Variants in AOPEP observed in about 807,000 individuals in gnomAD.
The protein encoded by AOPEP is aminopeptidase O.
AOPEP carries 77 observed loss-of-function variants against 98.1 expected under a neutral mutation model. The ratio of observed to expected loss-of-function variants is 0.78; its 90% confidence interval spans 0.65 to 0.95. The LOEUF (loss-of-function observed/expected upper bound fraction) is 0.95. AOPEP is among the 40% of genes least tolerant of loss of function. The pLI is 0.00. For synonymous variants in AOPEP, 346 were observed against 365.3 expected (o/e 0.95, Z 0.60); for missense variants, 1,024 against 1,024.7 (o/e 1.00, Z 0.01).
chr9:94,927,754 G>C (rs966664983), intron 6 of AOPEP, among the ~76,000 whole-genome samples: 1 of 152,206 alleles, frequency 6.6e-6, no homozygotes, highest in South Asian at 2.1e-4. Context: ...TCTGTTGAAC[G>C]AATTATCAGG....
At chr9:94,991,681 T>C (rs1037106619) in intron 11 of AOPEP, among the ~76,000 whole-genome samples, 3 of 152,236 alleles carry the variant, frequency 2.0e-5, no homozygotes, top group African/African-American at 7.2e-5. Flanking sequence ...AAGCTGTTTG[T>C]TCCTATTCTT....
At chr9:94,909,299 T>A in intron 5 of AOPEP, among the ~76,000 whole-genome samples, 1 of 150,062 alleles carries the variant, frequency 6.7e-6, no homozygotes, top group East Asian at 1.9e-4. Flanking sequence ...TCCGCCAGGC[T>A]TTTTTCACAC....
At chr9:94,914,845 T>G (rs2136544480) in intron 5 of AOPEP, among the ~76,000 whole-genome samples, 1 of 152,172 alleles carries the variant, frequency 6.6e-6, no homozygotes, top group Non-Finnish European at 1.5e-5. Flanking sequence ...TGAAACAAAC[T>G]CTCTTGGGGT....
chr9:94,810,375 C>T (rs1035030469), intron 5 of AOPEP, among the ~76,000 whole-genome samples: 1 of 150,166 alleles, frequency 6.7e-6, no homozygotes, highest in Admixed American at 6.6e-5. Context: ...AGTGCAGTGG[C>T]GCAATCTCGG....
At chr9:94,928,173 G>T (rs1161006861) in intron 6 of AOPEP, among the ~76,000 whole-genome samples, 2 of 152,106 alleles carry the variant, frequency 1.3e-5, no homozygotes, top group African/African-American at 4.8e-5. Flanking sequence ...GGATGGGTGG[G>T]TTCCAGAACA....
At chr9:94,791,570 G>C (rs1035656281) in intron 3 of AOPEP, among the ~76,000 whole-genome samples, 5 of 152,092 alleles carry the variant, frequency 3.3e-5, no homozygotes, top group Non-Finnish European at 7.4e-5. Context: ...TTTGGAAGGT[G>C]AGGTGGGAGA....
intron 1 of AOPEP, among the ~76,000 whole-genome samples, chr9:94,746,847 G>C (rs892669700): frequency 2.6e-5 from 4 of 152,026 alleles, no homozygotes; most frequent in Non-Finnish European, 5.9e-5. Context: ...ATCAGTTTTT[G>C]TTTTCAATGT....
chr9:94,967,781 G>A lies in AOPEP; in HGVS notation c.1896G>A (p.Glu632=). The change falls in exon 10 of 17, where the codon GAG becomes GAA. Residue 632 remains glutamate (E), a synonymous_variant. Transcript: ENST00000375315. The part of the protein sequence containing the change: ...LSQDFLQMLL[E]NIPEEKRLEL... ...AGGATTTCCTTCAAATGCTACTGGAGAACATTCCAGAAGAAAAAAGGTAAG... is the reference window on the plus strand; with the variant it reads ...AGGATTTCCTTCAAATGCTACTGGAAAACATTCCAGAAGAAAAAAGGTAAG... 1 of 1,613,372 alleles carries A rather than the reference G, an allele frequency of 6.2e-7. No individual in the cohort carries two copies. The highest frequency in any genetic ancestry group is 8.5e-7 in the Non-Finnish European group (1 of 1,179,330).
chr9:94,940,804 C>G (rs778735973), intron 7 of AOPEP, among the ~76,000 whole-genome samples: 1 of 152,046 alleles, frequency 6.6e-6, no homozygotes, highest in Non-Finnish European at 1.5e-5. Context: ...CTGGCTCGTC[C>G]CCTCATGTCC....
At chr9:95,087,919 G>T (rs1182755780), downstream of AOPEP, among the ~76,000 whole-genome samples, 1 of 152,194 alleles carries the variant, frequency 6.6e-6, no homozygotes, top group Middle Eastern at 3.2e-3. Flanking sequence ...CACAAATTCT[G>T]GCCTGTTTGG....
intron 5 of AOPEP, among the ~76,000 whole-genome samples, chr9:94,805,452 C>G (rs1564167950): frequency 6.6e-6 from 1 of 151,648 alleles, no homozygotes; most frequent in Non-Finnish European, 1.5e-5. Flanking sequence ...GTTTTATTTG[C>G]TCATCCTAGT....
At chr9:94,780,068 G>T (rs1842943490) in intron 3 of AOPEP, among the ~76,000 whole-genome samples, 1 of 152,162 alleles carries the variant, frequency 6.6e-6, no homozygotes, top group South Asian at 2.1e-4. Flanking sequence ...TGGCCTGCTG[G>T]CTAAATCTAG....
chr9:95,024,586 C>G (rs1241811202), intron 13 of AOPEP, among the ~76,000 whole-genome samples: 1 of 152,230 alleles, frequency 6.6e-6, no homozygotes, highest in South Asian at 2.1e-4. Context: ...GTTTTGTACT[C>G]TGAGCCTGAG....
At chr9:95,052,081 A>G (rs1471442795) in intron 13 of AOPEP, among the ~76,000 whole-genome samples, 1 of 152,146 alleles carries the variant, frequency 6.6e-6, no homozygotes, top group African/African-American at 2.4e-5. Flanking sequence ...CCTGGTCTGA[A>G]TTTTCATGTG....
intron 13 of AOPEP, among the ~76,000 whole-genome samples, chr9:95,040,187 C>G (rs1365974839): frequency 1.3e-5 from 2 of 152,218 alleles, no homozygotes; most frequent in East Asian, 1.9e-4. Context: ...TTCTGCTGCC[C>G]CAGTCCCTTC....
intron 2 of AOPEP, among the ~76,000 whole-genome samples, chr9:94,771,326 A>C (rs541469603): frequency 6.6e-6 from 1 of 152,198 alleles, no homozygotes; most frequent in South Asian, 2.1e-4. Context: ...CCAGCCCAAT[A>C]CCCATTTCAC....
rs2046478820 is a variant in AOPEP, at chr9:94,872,672, T to TC, written c.1365-51312dup. Among the ~76,000 whole-genome samples the TC allele has an allele frequency of 1.3e-5, 2 of 152,226 alleles. 1 individual carries two copies. The highest frequency in any genetic ancestry group is 4.1e-4 in the South Asian group (2 of 4,830). Reference sequence around the variant, plus strand: ...CTTACTCGGTGAGATGTGTGCACCATCCTGCTCAGTTTGTGAATGCTTCAT... The same window carrying TC: ...CTTACTCGGTGAGATGTGTGCACCATCCCTGCTCAGTTTGTGAATGCTTCAT... On this transcript the variant is annotated intron_variant, in intron 5 of 16. Coordinates refer to ENST00000375315, the MANE Select transcript of AOPEP (RefSeq NM_001193329.3).
chr9:94,793,124 G>A (rs565494782), intron 4 of AOPEP, among the ~76,000 whole-genome samples: 1 of 152,344 alleles, frequency 6.6e-6, no homozygotes, highest in South Asian at 2.1e-4. Context: ...CCAACACTTT[G>A]GGAGGCCGAG....
chr9:94,863,642 C>G (rs1024906170), intron 5 of AOPEP, among the ~76,000 whole-genome samples: 2 of 152,152 alleles, frequency 1.3e-5, no homozygotes, highest in African/African-American at 4.8e-5. Flanking sequence ...TCTTGAACTC[C>G]TGGCCTCAAG....
Sources: gnomAD v4.1 joint callset for allele counts (sites outside exome capture counted in the v4.1 genomes callset) on GRCh38, gnomAD v4.1.1 for gene constraint, MANE v1.5 for transcripts, NCBI Gene and HGNC (gene_info 2026-07-23, HGNC 2026-07-21) for gene names.